Variants in PTPRD observed in about 807,000 individuals in gnomAD.
The protein encoded by PTPRD is receptor-type tyrosine-protein phosphatase delta.
In PTPRD, 34 loss-of-function variants were observed where a neutral mutation model predicts 214.5. That is an observed-to-expected ratio of 0.16 (90% CI 0.12 to 0.21). PTPRD has a LOEUF of 0.21. Ranked by LOEUF, PTPRD falls within the 10% of genes least tolerant of loss-of-function variation. The pLI is 1.00. For synonymous variants in PTPRD, 1,128 were observed against 845.7 expected, an observed-to-expected ratio of 1.33 and a Z score of -5.79; for missense variants, 2,545 against 2,398.7, an observed-to-expected ratio of 1.06 and a Z score of -1.27.
chr9:10,072,995 T>C (rs1183711283), intron 3 of PTPRD, among the ~76,000 whole-genome samples: 1 of 152,114 alleles, frequency 6.6e-6, no homozygotes, highest in Non-Finnish European at 1.5e-5. Context: ...TACTTCAACT[T>C]AAAATGAATG....
chr9:9,218,838 T>C (rs897522174), intron 9 of PTPRD, among the ~76,000 whole-genome samples: 13 of 152,088 alleles, frequency 8.5e-5, no homozygotes, highest in Admixed American at 2.6e-4. Context: ...TACCAGACAA[T>C]CACACCCCAC....
At chr9:10,229,687 CTCCGGGGA>C (rs1051435528) in intron 3 of PTPRD, among the ~76,000 whole-genome samples, 34 of 141,930 alleles carry the variant, frequency 2.4e-4, no homozygotes, top group African/African-American at 8.6e-4. Context: ...GAACATCACA[CTCCGGGGA>C]TGGTTGTGGG....
intron 7 of PTPRD, among the ~76,000 whole-genome samples, chr9:9,598,242 CA>C (rs2093504552): frequency 6.6e-6 from 1 of 151,952 alleles, no homozygotes; most frequent in Non-Finnish European, 1.5e-5. Flanking sequence ...GACACAGTCC[CA>C]CATCAGGGCT....
intron 10 of PTPRD, among the ~76,000 whole-genome samples, chr9:9,144,590 A>G (rs1194131420): frequency 2.0e-5 from 3 of 152,022 alleles, no homozygotes; most frequent in South Asian, 2.1e-4. Context: ...CGTCTCTACT[A>G]AAAATAGAAA....
chr9:9,387,302 T>C (rs2064187934), intron 9 of PTPRD, among the ~76,000 whole-genome samples: 1 of 152,222 alleles, frequency 6.6e-6, no homozygotes, highest in Admixed American at 6.5e-5. Flanking sequence ...AGAGAATTTC[T>C]ATTAAGCAAG....
intron 3 of PTPRD, among the ~76,000 whole-genome samples, chr9:10,189,389 G>A (rs566101307): frequency 1.1e-4 from 16 of 152,198 alleles, no homozygotes; most frequent in African/African-American, 1.7e-4. Flanking sequence ...TTCCTTACAC[G>A]GGGCTATCAG....
At chr9:8,417,146 A>G (rs1481675820) in intron 35 of PTPRD, among the ~76,000 whole-genome samples, 82 of 152,294 alleles carry the variant, frequency 5.4e-4, no homozygotes, top group Non-Finnish European at 8.8e-5. Context: ...AAATTTTTTG[A>G]TAATGAAAGA....
intron 8 of PTPRD, among the ~76,000 whole-genome samples, chr9:9,522,261 ATT>A (rs552008062): frequency 2.0e-5 from 3 of 151,180 alleles, no homozygotes; most frequent in Admixed American, 2.0e-4. Flanking sequence ...CATTTCATGT[ATT>A]TATTAGTTTG....
chr9:9,734,301 C>A (rs965826415), intron 7 of PTPRD, among the ~76,000 whole-genome samples: 1 of 152,080 alleles, frequency 6.6e-6, no homozygotes, highest in Non-Finnish European at 1.5e-5. Flanking sequence ...TTGGAATGTT[C>A]TTCTAACCCA....
chr9:9,281,099 T>C lies in PTPRD; in HGVS notation c.-202-97736A>G, dbSNP rs1476805894. On this transcript the variant is annotated intron_variant, in intron 9 of 45. Transcript: ENST00000381196. ...ATATACAGATCCTACACTGCTCCCA[T>C]AAATGGACTCAAAAGCAAACATAGA... Among the ~76,000 whole-genome samples the C allele has an allele frequency of 2.0e-5, 3 of 151,288 alleles. No homozygotes were observed. In the Admixed American group the frequency reaches 2.0e-4, roughly 10 times the overall value.
chr9:8,411,326 G>C (rs865918523), intron 35 of PTPRD, among the ~76,000 whole-genome samples: 6 of 132,300 alleles, frequency 4.5e-5, no homozygotes, highest in Non-Finnish European at 9.6e-5. Flanking sequence ...TATTTTTTTT[G>C]TGGCAGGGTC....
At chr9:8,811,248 C>A (rs1241624708) in intron 11 of PTPRD, among the ~76,000 whole-genome samples, 2 of 152,072 alleles carry the variant, frequency 1.3e-5, no homozygotes, top group Non-Finnish European at 2.9e-5. Context: ...CGACAACTTC[C>A]CAGTACCAAT....
In PTPRD at chr9:8,965,840, G is replaced by C. The variant is rs59628169; in HGVS notation, c.-104+52857C>G. Among the ~76,000 whole-genome samples the C allele has an allele frequency of 6.9e-3, 1,056 of 152,230 alleles. 14 individuals are homozygous for C. Among genetic ancestry groups the C allele is most frequent in the African/African-American group, 0.024 (993 of 41,566 alleles). On this transcript the variant is annotated intron_variant, in intron 11 of 45. Transcript: ENST00000381196. Reference sequence around the variant, plus strand: ...AGGCATCCAAATAGGAAAAGAATAAGTCAAATTATTTCTCTTCACTGACAA... The same window carrying C: ...AGGCATCCAAATAGGAAAAGAATAACTCAAATTATTTCTCTTCACTGACAA...
chr9:10,032,461 C>T (rs2154133017), intron 4 of PTPRD, among the ~76,000 whole-genome samples: 1 of 152,216 alleles, frequency 6.6e-6, no homozygotes, highest in African/African-American at 2.4e-5. Context: ...CTATAACTAC[C>T]TCCCTGAAAT....
At chr9:9,031,322 G>A (rs1355354348) in intron 10 of PTPRD, among the ~76,000 whole-genome samples, 2 of 151,968 alleles carry the variant, frequency 1.3e-5, no homozygotes, top group African/African-American at 2.4e-5. Flanking sequence ...TCTGAGAAAC[G>A]CATTGTTAGG....
intron 7 of PTPRD, among the ~76,000 whole-genome samples, chr9:9,698,827 T>A (rs1180225945): frequency 6.6e-6 from 1 of 152,180 alleles, no homozygotes; most frequent in African/African-American, 2.4e-5. Context: ...AGAAAGGGCA[T>A]CACAGATATA....
At chr9:8,617,001 G>A (rs906287025) in intron 14 of PTPRD, among the ~76,000 whole-genome samples, 3 of 152,134 alleles carry the variant, frequency 2.0e-5, no homozygotes, top group Middle Eastern at 3.4e-3. Context: ...GCATTTATTC[G>A]AACACCCCTG....
intron 12 of PTPRD, among the ~76,000 whole-genome samples, chr9:8,685,033 G>T (rs1354477856): frequency 6.6e-6 from 1 of 152,112 alleles, no homozygotes; most frequent in East Asian, 1.9e-4. Flanking sequence ...TGCATCCGGG[G>T]CTGGATGTCA....
rs115573898 is a variant in PTPRD, at chr9:8,628,352, C to T, written c.352+4965G>A. Among the ~76,000 whole-genome samples the T allele has an allele frequency of 3.4e-3, 513 of 151,944 alleles. 5 individuals carry two copies. Among genetic ancestry groups the T allele is most frequent in the African/African-American group, 0.012 (490 of 41,494 alleles). Reference sequence around the variant, plus strand: ...AGTTGTATGTTTTTTTTCCTAACAACTGCCATAATGGCTTACATTTTTTGA... The same window carrying T: ...AGTTGTATGTTTTTTTTCCTAACAATTGCCATAATGGCTTACATTTTTTGA... On this transcript the variant is annotated intron_variant, in intron 14 of 45. Coordinates refer to ENST00000381196, the MANE Select transcript of PTPRD (RefSeq NM_002839.4).
Sources: allele counts gnomAD v4.1 joint callset (sites outside exome capture counted in the v4.1 genomes callset), GRCh38; gene constraint gnomAD v4.1.1; transcripts MANE v1.5; gene names NCBI Gene and HGNC (gene_info 2026-07-23, HGNC 2026-07-21).